SEMA5A: variants seen among roughly 807,000 people sequenced by gnomAD.
The protein encoded by SEMA5A is semaphorin-5A.
SEMA5A carries 55 observed loss-of-function variants against 135.5 expected under a neutral mutation model. The ratio of observed to expected loss-of-function variants is 0.41; its 90% CI spans 0.33 to 0.51. The LOEUF (loss-of-function observed/expected upper bound fraction) is 0.51. Ranked by LOEUF, SEMA5A falls within the 20% of genes least tolerant of loss-of-function variation. The pLI, the probability that SEMA5A is intolerant of heterozygous loss-of-function variation, is 0.37. For synonymous variants in SEMA5A, 580 were observed against 546.5 expected, an observed-to-expected ratio of 1.06 and a Z score of -0.85; for missense variants, 1,290 against 1,419.9, an observed-to-expected ratio of 0.91 and a Z score of 1.47.
chr5:9,196,501 C>T (rs1256361514), intron 10 of SEMA5A, among the ~76,000 whole-genome samples: 4 of 152,178 alleles, frequency 2.6e-5, no homozygotes, highest in Non-Finnish European at 5.9e-5. Context: ...TTTTAAGCTA[C>T]CCAGTCGGTG....
At chr5:9,382,894 C>T (rs1443388245) in intron 2 of SEMA5A, among the ~76,000 whole-genome samples, 1 of 152,208 alleles carries the variant, frequency 6.6e-6, no homozygotes, top group Non-Finnish European at 1.5e-5. Flanking sequence ...CTACAACATT[C>T]CCATTGACCA....
Position 9,190,968 on chromosome 5 carries a change from T to C in SEMA5A, c.1069-497A>G, listed in dbSNP as rs1579576072. 5.9e-5 allele frequency among the ~76,000 whole-genome samples: 9 copies of C among 152,316 alleles called. No homozygotes were observed. In the South Asian group the frequency reaches 1.9e-3, roughly 32 times the overall value. On this transcript the variant is annotated intron_variant, in intron 10 of 22. Coordinates refer to ENST00000382496, the MANE Select transcript of SEMA5A (RefSeq NM_003966.3). ...GATAGCATTAGGTCATTCTCATCTG[T>C]AAGATCGAACAGCATTCACATGGGC...
chr5:9,415,283 G>T (rs111887077), intron 2 of SEMA5A, among the ~76,000 whole-genome samples: 4 of 152,272 alleles, frequency 2.6e-5, no homozygotes, highest in Admixed American at 2.6e-4. Flanking sequence ...TACCATTCCT[G>T]GGAACTGCTC....
chr5:9,264,188 A>G (rs1749554392), intron 5 of SEMA5A, among the ~76,000 whole-genome samples: 2 of 152,232 alleles, frequency 1.3e-5, no homozygotes, highest in South Asian at 4.1e-4. Context: ...ATTTAGACCT[A>G]TTATTTACTA....
chr5:9,099,062 T>C (rs776638779), intron 16 of SEMA5A, among the ~76,000 whole-genome samples: 13 of 152,172 alleles, frequency 8.5e-5, no homozygotes, highest in African/African-American at 1.7e-4. Flanking sequence ...TCCATACCAA[T>C]TGCAATTTCC....
intron 4 of SEMA5A, among the ~76,000 whole-genome samples, chr5:9,335,460 G>A (rs1753346883): frequency 6.6e-6 from 1 of 152,226 alleles, no homozygotes; most frequent in South Asian, 2.1e-4. Flanking sequence ...ACCACTTGCA[G>A]AGAATGAAGC....
chr5:9,346,914 G>GTGTATA (rs869195474), intron 3 of SEMA5A, among the ~76,000 whole-genome samples: 54 of 99,234 alleles, frequency 5.4e-4, no homozygotes, highest in African/African-American at 2.1e-3. Flanking sequence ...GTGTGTGTGT[G>GTGTATA]TATATATATA....
intron 16 of SEMA5A, 135 bp from the exon 17 acceptor site, chr5:9,066,781 C>T (rs1737497423): frequency 1.5e-6 from 1 of 680,602 alleles, no homozygotes; most frequent in Non-Finnish European, 2.5e-6. Flanking sequence ...CTCTACCAAA[C>T]TAAAAACACA....
intron 5 of SEMA5A, among the ~76,000 whole-genome samples, chr5:9,260,948 CA>C (rs1419827401): frequency 3.3e-5 from 3 of 90,720 alleles, no homozygotes; most frequent in African/African-American, 1.1e-4. Flanking sequence ...AAGAGGAAGT[CA>C]AATTGTCCCT....
intron 16 of SEMA5A, among the ~76,000 whole-genome samples, chr5:9,068,732 G>A (rs910878501): frequency 2.6e-4 from 39 of 152,252 alleles, no homozygotes; most frequent in African/African-American, 9.1e-4. Context: ...AGCTCTCTGA[G>A]GGGTCTCTGG....
chr5:9,168,707 T>A (rs1743749126), intron 11 of SEMA5A, among the ~76,000 whole-genome samples: 1 of 152,224 alleles, frequency 6.6e-6, no homozygotes, highest in African/African-American at 2.4e-5. Context: ...GTGTGATTCT[T>A]GCTTGACAGA....
rs1735989610 is a variant in SEMA5A, at chr5:9,041,982, G to A, written c.*915C>T. ...ACTTTCACTAATTGACATCATAAAT[G>A]TTCAAGATTTTTCTTTGCAGGGAGA... is the stretch of plus-strand genomic sequence containing the variant. On this transcript the variant is annotated 3_prime_UTR_variant, in exon 23 of 23. Coordinates refer to ENST00000382496, the MANE Select transcript of SEMA5A (RefSeq NM_003966.3). 1 of 152,410 alleles carries A rather than the reference G, an allele frequency of 6.6e-6. No homozygotes were observed. The highest frequency in any genetic ancestry group is 1.5e-5 in the Non-Finnish European group (1 of 68,028). The allele number at this position is 152,410 out of a possible 1,614,324, so 9.4% of individuals were successfully genotyped here. A position where few individuals can be genotyped will look rare whatever the true frequency, so the allele number is the denominator to read the frequency against.
chr5:9,130,264 A>T (rs1392860053), intron 13 of SEMA5A, among the ~76,000 whole-genome samples: 1 of 152,152 alleles, frequency 6.6e-6, no homozygotes, highest in Non-Finnish European at 1.5e-5. Flanking sequence ...TTCATGACTT[A>T]ATTGAAGTCT....
At chr5:9,286,725 TAC>T (rs10555387) in intron 5 of SEMA5A, among the ~76,000 whole-genome samples, 102,877 of 150,906 alleles carry the variant, frequency 0.68, 36,059 homozygotes, top group South Asian at 0.82. Context: ...TATACACACA[TAC>T]ACACACACAC....
intron 3 of SEMA5A, among the ~76,000 whole-genome samples, chr5:9,356,325 C>A (rs578261432): frequency 6.6e-6 from 1 of 152,190 alleles, no homozygotes; most frequent in Non-Finnish European, 1.5e-5. Context: ...TGTGCATGTG[C>A]GTGCACACAC....
At chr5:9,360,791 G>C (rs1015786814) in intron 3 of SEMA5A, among the ~76,000 whole-genome samples, 5 of 152,114 alleles carry the variant, frequency 3.3e-5, no homozygotes, top group Non-Finnish European at 7.4e-5. Context: ...GGAAAAGCAA[G>C]AAACACAAAC....
At chr5:9,424,989 T>C (rs921021092) in intron 2 of SEMA5A, among the ~76,000 whole-genome samples, 3 of 152,142 alleles carry the variant, frequency 2.0e-5, no homozygotes, top group African/African-American at 7.2e-5. Context: ...GAAACGTAAA[T>C]AACTCATATC....
At chr5:9,401,029 AC>A (rs1756637194) in intron 2 of SEMA5A, among the ~76,000 whole-genome samples, 2 of 152,078 alleles carry the variant, frequency 1.3e-5, no homozygotes, top group African/African-American at 4.8e-5. Context: ...GCTTTTGTGT[AC>A]CCTTAGACAA....
chr5:9,167,501 C>T (rs1035793206), intron 11 of SEMA5A, among the ~76,000 whole-genome samples: 16 of 152,058 alleles, frequency 1.1e-4, no homozygotes, highest in Admixed American at 9.8e-4. Context: ...ATCTCTTCAC[C>T]CACAATTGCA....
Sources: gnomAD v4.1 joint callset for allele counts (sites outside exome capture counted in the v4.1 genomes callset) on GRCh38, gnomAD v4.1.1 for gene constraint, MANE v1.5 for transcripts, NCBI Gene and HGNC (gene_info 2026-07-23, HGNC 2026-07-21) for gene names.